The following GPC3 variants were observed in gnomAD, a reference collection of about 807,000 sequenced individuals.
GPC3 encodes glypican-3.
Under a neutral mutation model 34.4 loss-of-function variants are expected in GPC3, and 3 were observed. The observed-to-expected ratio is 0.09, with a 90% confidence interval of 0.04 to 0.23. The LOEUF is 0.23. GPC3 is among the 10% of genes least tolerant of loss of function. GPC3 has a pLI of 1.00. For missense variants in GPC3, 351 were observed against 445.6 expected (o/e 0.79, Z 1.91); for synonymous variants, 177 against 174.0 (o/e 1.02, Z -0.13).
chrX:133,973,917 G>A (rs749614596), intron 1 of GPC3, among the ~76,000 whole-genome samples: 35 of 112,597 alleles, frequency 3.1e-4, no homozygotes, highest in Non-Finnish European at 5.6e-4. Flanking sequence ...GACACTTTAC[G>A]AGTGGTTGCA....
intron 2 of GPC3, among the ~76,000 whole-genome samples, chrX:133,850,750 C>A (rs186758478): frequency 9.0e-6 from 1 of 111,361 alleles, no homozygotes; most frequent in Non-Finnish European, 1.9e-5. Context: ...ACTCTAACTT[C>A]TTTCCTTAGG....
intron 3 of GPC3, among the ~76,000 whole-genome samples, chrX:133,737,371 G>A (rs1029560489): frequency 1.8e-5 from 2 of 112,176 alleles, no homozygotes; most frequent in Admixed American, 9.4e-5. Context: ...TGATAATGAT[G>A]TGTCAATGTA....
chrX:133,888,165 C>T (rs1262482270), intron 2 of GPC3, among the ~76,000 whole-genome samples: 2 of 110,411 alleles, frequency 1.8e-5, no homozygotes, highest in Admixed American at 9.7e-5. Context: ...TTAGTGAGAA[C>T]ATGTGGTGTT....
At chrX:133,571,071 TA>T (rs1263147017) in intron 7 of GPC3, among the ~76,000 whole-genome samples, 1 of 112,256 alleles carries the variant, frequency 8.9e-6, no homozygotes, top group Non-Finnish European at 1.9e-5. Context: ...TTTTTGTCTT[TA>T]AACTCACATC....
At chrX:133,626,936 C>G (rs1395385731) in intron 6 of GPC3, among the ~76,000 whole-genome samples, 4 of 108,318 alleles carry the variant, frequency 3.7e-5, no homozygotes, top group African/African-American at 6.7e-5. Context: ...CAATGATAGA[C>G]TGGATTAAGA....
intron 5 of GPC3, among the ~76,000 whole-genome samples, chrX:133,675,338 T>C (rs1763659473): frequency 9.0e-6 from 1 of 111,513 alleles, no homozygotes; most frequent in Non-Finnish European, 1.9e-5. Context: ...AGGTGTTAGT[T>C]TAACTGACTC....
intron 3 of GPC3, among the ~76,000 whole-genome samples, chrX:133,707,534 A>G (rs2071228924): frequency 9.0e-6 from 1 of 111,441 alleles, no homozygotes; most frequent in African/African-American, 3.3e-5. Context: ...AGGACCTAGT[A>G]TGTACTGTGT....
At chrX:133,716,246 CA>C (rs961130843) in intron 3 of GPC3, among the ~76,000 whole-genome samples, 19 of 108,369 alleles carry the variant, frequency 1.8e-4, no homozygotes, top group African/African-American at 5.4e-4. Context: ...TAGTTTTTGA[CA>C]AAAAAAAATT....
intron 3 of GPC3, among the ~76,000 whole-genome samples, chrX:133,731,824 G>A (rs1263107965): frequency 8.9e-6 from 1 of 112,696 alleles, no homozygotes; most frequent in African/African-American, 3.2e-5. Flanking sequence ...TAGTTGCTGG[G>A]CTGATAGGTT....
At chrX:133,924,318 G>C (rs2124616988) in intron 2 of GPC3, among the ~76,000 whole-genome samples, 1 of 110,882 alleles carries the variant, frequency 9.0e-6, no homozygotes, top group Non-Finnish European at 1.9e-5. Context: ...CTCCATAATG[G>C]ATTTTTTTAA....
At chrX:133,630,672 G>A (rs372420763) in intron 6 of GPC3, among the ~76,000 whole-genome samples, 1 of 111,520 alleles carries the variant, frequency 9.0e-6, no homozygotes, top group African/African-American at 3.3e-5. Context: ...TTTGGCTGTC[G>A]ACAAGCAGAG....
At chrX:133,580,534 T>C (rs1009589845) in intron 7 of GPC3, among the ~76,000 whole-genome samples, 1 of 111,995 alleles carries the variant, frequency 8.9e-6, no homozygotes, top group Non-Finnish European at 1.9e-5. Flanking sequence ...CATGGCTCCA[T>C]GCTCTAAAAA....
At chrX:133,846,347 G>A (rs928002704) in intron 2 of GPC3, among the ~76,000 whole-genome samples, 2 of 111,697 alleles carry the variant, frequency 1.8e-5, no homozygotes, top group Admixed American at 9.5e-5. Context: ...ACTGGACCTC[G>A]AAAACATAAC....
At chrX:133,880,131 T>C (rs1415792840) in intron 2 of GPC3, among the ~76,000 whole-genome samples, 2 of 112,076 alleles carry the variant, frequency 1.8e-5, no homozygotes, top group African/African-American at 3.2e-5. Context: ...TAGCTGACTT[T>C]GAGGTAAATG....
chrX:133,685,821 G>A (rs2070995982), intron 5 of GPC3, among the ~76,000 whole-genome samples: 1 of 106,924 alleles, frequency 9.4e-6, no homozygotes, highest in South Asian at 4.4e-4. Flanking sequence ...TGAAACTCCT[G>A]GGCTCAAATA....
intron 6 of GPC3, among the ~76,000 whole-genome samples, chrX:133,610,473 C>T (rs913633655): frequency 9.0e-6 from 1 of 110,690 alleles, no homozygotes; most frequent in African/African-American, 3.3e-5. Context: ...TTAGTTCTAA[C>T]GTGGGCTTCT....
At chrX:133,895,625 G>A (rs1490618767) in intron 2 of GPC3, among the ~76,000 whole-genome samples, 2 of 111,296 alleles carry the variant, frequency 1.8e-5, no homozygotes, top group Admixed American at 9.6e-5. Context: ...AGATAACAGG[G>A]TCCCAGTTTG....
chrX:133,565,493 T>G (rs1375360131), intron 7 of GPC3, among the ~76,000 whole-genome samples: 2 of 112,225 alleles, frequency 1.8e-5, no homozygotes, highest in Non-Finnish European at 3.8e-5. Context: ...AAGGAGATGC[T>G]CAGTAAATAT....
chrX:133,764,850 T>G lies in GPC3; in HGVS notation c.338-10674A>C, dbSNP rs138530198. Among the ~76,000 whole-genome samples the G allele has an allele frequency of 3.8e-3, 425 of 111,939 alleles. 1 individual carries two copies. The highest frequency in any genetic ancestry group is 6.4e-3 in the Non-Finnish European group (339 of 53,112). On this transcript the variant is annotated intron_variant, in intron 2 of 7. Transcript: ENST00000370818. Reference sequence around the variant, plus strand: ...CTGTTATAAGTCATGATCCTTAGCCTTTTTTCATTCTTCTCTGTCTCCCAG... The same window carrying G: ...CTGTTATAAGTCATGATCCTTAGCCGTTTTTCATTCTTCTCTGTCTCCCAG...
Sources: allele counts gnomAD v4.1 joint callset (sites outside exome capture counted in the v4.1 genomes callset), GRCh38; gene constraint gnomAD v4.1.1; transcripts MANE v1.5; gene names NCBI Gene and HGNC (gene_info 2026-07-23, HGNC 2026-07-21).